Variants in ADCK5 observed in about 807,000 individuals in gnomAD.
ADCK5 encodes uncharacterized aarF domain-containing protein kinase 5.
Under a neutral mutation model 64.9 loss-of-function variants are expected in ADCK5, and 43 were observed. The ratio of observed to expected loss-of-function variants is 0.66; its 90% CI spans 0.52 to 0.85. ADCK5 has a LOEUF of 0.85. Ranked by LOEUF, ADCK5 falls within the 40% of genes least tolerant of loss-of-function variation. The pLI is 0.00. For synonymous variants in ADCK5, 434 were observed against 342.8 expected, an observed-to-expected ratio of 1.27 and a Z score of -2.94; for missense variants, 760 against 810.5, an observed-to-expected ratio of 0.94 and a Z score of 0.76.
chr8:144,375,448 TC>T (rs1819324154), intron 1 of ADCK5: 1 of 985,246 alleles, frequency 1.0e-6, no homozygotes, highest in Non-Finnish European at 1.2e-6. Context: ...GCTCTGGTCA[TC>T]CGTTCATGGT....
intron 1 of ADCK5, among the ~76,000 whole-genome samples, chr8:144,378,906 A>G (rs1326235717): frequency 6.6e-6 from 1 of 151,578 alleles, no homozygotes. Flanking sequence ...TATTTTCTTC[A>G]TAAATTACCC....
In ADCK5 at chr8:144,392,179, G is replaced by A. The variant is rs782187418; in HGVS notation, c.1175+9G>A. 2.6e-6 allele frequency: 4 copies of A among 1,560,822 alleles called. No homozygotes were observed. The highest frequency in any genetic ancestry group is 3.5e-6 in the Non-Finnish European group (4 of 1,156,810). On this transcript the variant is annotated intron_variant, in intron 11 of 14. Coordinates refer to ENST00000308860, the MANE Select transcript of ADCK5 (RefSeq NM_174922.5). ...CAGTTCCTGGAGGAGAAGTGAGCGC[G>A]GGTGGGTGGGCGTGGGGCAGGGCAA...
intron 3 of ADCK5, among the ~76,000 whole-genome samples, chr8:144,386,643 C>T (rs1819939921): frequency 6.6e-6 from 1 of 152,210 alleles, no homozygotes; most frequent in Admixed American, 6.5e-5. Context: ...CAGGCATGAG[C>T]CACCACGCAG....
chr8:144,385,381 G>A (rs1299332949), intron 3 of ADCK5, among the ~76,000 whole-genome samples: 5 of 151,442 alleles, frequency 3.3e-5, no homozygotes, highest in Admixed American at 1.3e-4. Flanking sequence ...ACAGGGTTTC[G>A]TCATGTTGGA....
intron 2 of ADCK5, among the ~76,000 whole-genome samples, chr8:144,379,773 C>T (rs782515775): frequency 9.9e-5 from 15 of 152,244 alleles, no homozygotes; most frequent in Non-Finnish European, 1.8e-4. Context: ...AAGAGCAAAC[C>T]GGGTCATTCA....
In ADCK5 at chr8:144,392,844, G is replaced by A; in HGVS notation, c.1589G>A (p.Arg530His). The change falls in exon 14 of 15, where the codon CGC (arginine) becomes CAC (histidine). Residue 530 changes from arginine to histidine, a missense_variant. Arg to His is a conservative substitution (Grantham distance 29). Transcript: ENST00000308860. ...YRGVYGTSLLRHAKVVWEMLK... is the reference protein window; with the variant it reads ...YRGVYGTSLLHHAKVVWEMLK... Reference sequence around the variant, plus strand: ...GGTGTCTACGGCACCAGCCTCCTGCGCCACGCCAAGGTCGTCTGGGAGATG... The same window carrying A: ...GGTGTCTACGGCACCAGCCTCCTGCACCACGCCAAGGTCGTCTGGGAGATG... 9 of 1,594,266 alleles carry A rather than the reference G, an allele frequency of 5.6e-6. No individual in the cohort carries two copies. The East Asian group carries it at 6.8e-5, about 12-fold the overall frequency.
rs140107956 is a variant in ADCK5 at position 144,391,245 on chromosome 8, C to T, written c.655C>T (p.Leu219=). 1.4e-4 allele frequency: 226 copies of T among 1,612,520 alleles called. No individual in the cohort carries two copies. The African/African-American group carries it at 2.6e-3, about 19-fold the overall frequency. The change falls in exon 6 of 15, where the codon CTG becomes TTG. Residue 219 remains leucine (L), a synonymous_variant. Transcript: ENST00000308860. The stretch of plus-strand genomic sequence containing the variant: ...CCTGGCACAGGTGCACAGAGCCAAG[C>T]TGCACGATGGCACCAGCGTGGCTGT... ...ASLAQVHRAK[L]HDGTSVAVKV...
At chr8:144,388,678 C>T (rs533878858) in intron 3 of ADCK5, among the ~76,000 whole-genome samples, 28 of 150,448 alleles carry the variant, frequency 1.9e-4, no homozygotes, top group African/African-American at 4.4e-4. Context: ...GGCAGGAGAA[C>T]GGCGTGAACC....
rs782448360 is a variant in ADCK5 at position 144,393,096 on chromosome 8, C to T, written c.*22C>T. 2.4e-5 allele frequency: 36 copies of T among 1,527,814 alleles called. No homozygotes were observed. The highest frequency in any genetic ancestry group is 3.0e-5 in the Non-Finnish European group (34 of 1,141,958). 94.6% of individuals were successfully genotyped at this position (1,527,814 alleles called of 1,614,324 possible). On this transcript the variant is annotated 3_prime_UTR_variant, in exon 15 of 15. Transcript: ENST00000308860. ...CTAGGGTGCAGCCGCCCAGGGCCGG[C>T]GGGGCCCTTTTCACCTTGGGCTGAC...
Position 144,391,711 on chromosome 8 carries a change from G to A in ADCK5, c.930G>A (p.Lys310=). ...GCGTGCACTGGGACAAGTCCAGCAA[G>A]GTGGGCTGGGCCAGGCCCTTGGGGT... ...VPRVHWDKSS[K]RVLTADFCAG... Residue 310 remains lysine, a splice_region_variant and synonymous_variant, in exon 8 of 15, where the codon AAG becomes AAA. Transcript: ENST00000308860. The A allele has an allele frequency of 6.5e-7, 1 of 1,539,220 alleles. No individual in the cohort carries two copies. The highest frequency in any genetic ancestry group is 8.7e-7 in the Non-Finnish European group (1 of 1,147,160).
intron 2 of ADCK5, among the ~76,000 whole-genome samples, chr8:144,381,315 C>T (rs1389669677): frequency 8.2e-4 from 106 of 128,880 alleles, no homozygotes; most frequent in Non-Finnish European, 1.1e-3. Flanking sequence ...GATTATGGGC[C>T]GGGTGTAGAA....
At position 144,384,725 on chromosome 8, in the gene ADCK5, A is replaced by G. The variant is rs1444321505; in HGVS notation, c.266+1495A>G. ...TTTGTCTCACCCTCTATTTCATGGC[A>G]TGCAGCTGTGTCTGGTGTCCACCTC... On this transcript the variant is annotated intron_variant, in intron 3 of 14. Transcript: ENST00000308860. This position sits in a 1 kb window ranked among gnomAD's most constrained non-coding sequence, Gnocchi z 5.7. Among the ~76,000 whole-genome samples the G allele has an allele frequency of 6.6e-6, 1 of 152,108 alleles. No homozygotes were observed. Among genetic ancestry groups the G allele is most frequent in the Admixed American group, 6.5e-5 (1 of 15,276 alleles).
Position 144,393,175 on chromosome 8 carries a change from TGGGG to T in ADCK5, c.*104_*107del. ...CCCCGAGCCCCGTGGGCACTCGCACTGGGGGGCTGTGACAGCAGCTGGGCCAGGA... is the reference window on the plus strand; with the variant it reads ...CCCCGAGCCCCGTGGGCACTCGCACTGGCTGTGACAGCAGCTGGGCCAGGA... On this transcript the variant is annotated 3_prime_UTR_variant, in exon 15 of 15. Transcript: ENST00000308860. 1 of 1,348,706 alleles carries T rather than the reference TGGGG, an allele frequency of 7.4e-7. No individual in the cohort carries two copies. Among genetic ancestry groups the T allele is most frequent in the Non-Finnish European group, 9.9e-7 (1 of 1,010,094 alleles). The allele number at this position is 1,348,706 out of a possible 1,614,324, so 83.5% of individuals were successfully genotyped here.
chr8:144,379,842 A>G (rs1254658910), intron 2 of ADCK5, among the ~76,000 whole-genome samples: 2 of 152,194 alleles, frequency 1.3e-5, no homozygotes, highest in East Asian at 1.9e-4. Flanking sequence ...AAGAGCAGCA[A>G]GAAGAGATGT....
In ADCK5 at chr8:144,379,469, A is replaced by G. The variant is rs961634883; in HGVS notation, c.95A>G (p.Asn32Ser). 3 of 1,606,292 alleles carry G rather than the reference A, an allele frequency of 1.9e-6. No individual in the cohort carries two copies. In the South Asian group the frequency reaches 3.3e-5, roughly 18 times the overall value. ...TCCCCTGCTGTGTTCTTCAGGAGAA[A>G]CGTCAGGGGCCTTCCTCCAAGGTAA... ...WPSPAVFFRR[N>S]VRGLPPRFSS... Residue 32 changes from asparagine (N) to serine (S), a missense_variant, in exon 2 of 15, where the codon AAC (asparagine) becomes AGC (serine). Asn to Ser is a conservative substitution (Grantham distance 46). Around this residue, in one of 2 missense-constraint regions of ADCK5, gnomAD observed 427 missense variants for 518.4 expected, o/e 0.82. Transcript: ENST00000308860.
In ADCK5 at chr8:144,392,461, C is replaced by T. The variant is rs1554861278; in HGVS notation, c.1284C>T (p.Ala428=). ...CCTCCCCAGACTACCTCCTGTTCGCCGAGATGCTCATGCAGCGCCCCGTGC... is the reference window on the plus strand; with the variant it reads ...CCTCCCCAGACTACCTCCTGTTCGCTGAGATGCTCATGCAGCGCCCCGTGC... ...ALGVQDYLLF[A]EMLMQRPVRL... Residue 428 remains alanine, a synonymous_variant, in exon 13 of 15, where the codon GCC becomes GCT. Transcript: ENST00000308860. The T allele has an allele frequency of 4.6e-6, 6 of 1,311,778 alleles. No homozygotes were observed. The highest frequency in any genetic ancestry group is 5.0e-6 in the Non-Finnish European group (5 of 1,001,308). The allele number at this position is 1,311,778 out of a possible 1,614,324, so 81.3% of individuals were successfully genotyped here. A position where few individuals can be genotyped will look rare whatever the true frequency, so the allele number is the denominator to read the frequency against.
At chr8:144,390,048 C>A (rs562671717) in intron 3 of ADCK5, among the ~76,000 whole-genome samples, 2 of 151,418 alleles carry the variant, frequency 1.3e-5, no homozygotes, top group Admixed American at 1.3e-4. Context: ...CCAGGCTGGT[C>A]TTGAACTCCT....
At chr8:144,373,733 C>G, upstream of ADCK5, 1 of 279,344 alleles carries the variant, frequency 3.6e-6, no homozygotes, top group South Asian at 1.7e-4. Context: ...AGGCGGATAC[C>G]GGGCCGTGAG....
At chr8:144,387,980 C>T (rs1391036461) in intron 3 of ADCK5, among the ~76,000 whole-genome samples, 1 of 148,170 alleles carries the variant, frequency 6.7e-6, no homozygotes, top group Non-Finnish European at 1.5e-5. Context: ...GATCCGCCCG[C>T]CTTGGCCTCC....
Sources: gnomAD v4.1 joint callset for allele counts (sites outside exome capture counted in the v4.1 genomes callset) on GRCh38, gnomAD v4.1.1 for gene constraint, gnomAD v4.1.1 regional missense constraint, Gnocchi (gnomAD v3.1) non-coding constraint, MANE v1.5 for transcripts, NCBI Gene and HGNC (gene_info 2026-07-23, HGNC 2026-07-21) for gene names.